The following EBF2 variants were observed in gnomAD, a reference collection of about 807,000 sequenced individuals.
EBF2 encodes EBF transcription factor 2, also known as transcription factor COE2.
Under a neutral mutation model 72.8 loss-of-function variants are expected in EBF2, and 21 were observed. That is an observed-to-expected ratio of 0.29 (90% CI 0.20 to 0.42). The LOEUF (loss-of-function observed/expected upper bound fraction) is 0.42. Ranked by LOEUF, EBF2 falls within the 10% of genes least tolerant of loss-of-function variation. EBF2 has a pLI of 1.00. For synonymous variants in EBF2, 299 were observed against 274.2 expected, an observed-to-expected ratio of 1.09 and a Z score of -0.89; for missense variants, 637 against 731.2, an observed-to-expected ratio of 0.87 and a Z score of 1.49.
chr8:25,884,595 G>A (rs2117287266), intron 10 of EBF2, among the ~76,000 whole-genome samples: 1 of 152,252 alleles, frequency 6.6e-6, no homozygotes, highest in East Asian at 1.9e-4. Flanking sequence ...CAAGCTTTAT[G>A]AAGTTGGGGG....
Position 25,845,555 on chromosome 8 carries a change from G to A in EBF2, c.1697-915C>T, listed in dbSNP as rs181169760. 8.1e-4 allele frequency among the ~76,000 whole-genome samples: 123 copies of A among 152,268 alleles called. 2 individuals are homozygous for A. The highest frequency in any genetic ancestry group is 2.9e-3 in the African/African-American group (120 of 41,548). On this transcript the variant is annotated intron_variant, in intron 15 of 15. Transcript: ENST00000520164. ...ATTCCTACTCTTCATCACCCTATAT[G>A]AATGGAGTAATCTAATTCTTTCTCC...
chr8:26,004,326 T>C (rs965591345), intron 6 of EBF2, among the ~76,000 whole-genome samples: 3 of 152,166 alleles, frequency 2.0e-5, no homozygotes, highest in African/African-American at 7.2e-5. Context: ...ATGATTTACA[T>C]TGATGCCCAA....
intron 6 of EBF2, among the ~76,000 whole-genome samples, chr8:26,005,046 G>A (rs1486709004): frequency 1.3e-5 from 2 of 149,648 alleles, no homozygotes; most frequent in East Asian, 4.0e-4. Flanking sequence ...GAGGTACAAA[G>A]GGAAGAACCA....
chr8:26,000,531 G>A (rs1213324190), intron 6 of EBF2, among the ~76,000 whole-genome samples: 4 of 152,144 alleles, frequency 2.6e-5, no homozygotes, highest in Non-Finnish European at 5.9e-5. Context: ...CTATTCATTT[G>A]TTCCTTTAAT....
At chr8:25,956,544 T>C (rs1018389221) in intron 6 of EBF2, among the ~76,000 whole-genome samples, 1 of 152,222 alleles carries the variant, frequency 6.6e-6, no homozygotes, top group Admixed American at 6.5e-5. Flanking sequence ...CCTTGTATCA[T>C]TGTATGCATT....
intron 10 of EBF2, among the ~76,000 whole-genome samples, chr8:25,869,052 ACT>A (rs994833602): frequency 6.6e-6 from 1 of 152,038 alleles, no homozygotes; most frequent in Non-Finnish European, 1.5e-5. Context: ...TTTTTTAGAC[ACT>A]CTATATTTAA....
chr8:26,033,281 G>T, intron 5 of EBF2, 128 bp from the exon 6 acceptor site: 1 of 824,294 alleles, frequency 1.2e-6, no homozygotes, highest in Non-Finnish European at 2.0e-6. Context: ...TAGTACAATG[G>T]CTTGATGCCT....
intron 6 of EBF2, among the ~76,000 whole-genome samples, chr8:25,960,140 C>T (rs1296638128): frequency 6.6e-6 from 1 of 152,182 alleles, no homozygotes; most frequent in Non-Finnish European, 1.5e-5. Flanking sequence ...CTCTTTGTTA[C>T]TCCAGTTTTA....
At chr8:25,898,254 C>T (rs946688964) in intron 7 of EBF2, among the ~76,000 whole-genome samples, 25 of 152,044 alleles carry the variant, frequency 1.6e-4, no homozygotes, top group African/African-American at 5.8e-4. Flanking sequence ...AAGAACAGAC[C>T]TTGAAGAACT....
Position 26,044,624 on chromosome 8 carries a change from G to T in EBF2, c.131+105C>A, listed in dbSNP as rs901096095. ...GCGCAGGGCCTGGGCGACAGATGGG[G>T]GGACAGGGAGAGAGAAAGGCACGGG... On this transcript the variant is annotated intron_variant, in intron 1 of 15. Coordinates refer to ENST00000520164, the MANE Select transcript of EBF2 (RefSeq NM_022659.4). This position sits in a 1 kb window ranked among gnomAD's most constrained non-coding sequence, Gnocchi z 4.1. 23 of 1,489,458 alleles carry T rather than the reference G, an allele frequency of 1.5e-5. No individual in the cohort carries two copies. Among genetic ancestry groups the T allele is most frequent in the Non-Finnish European group, 1.9e-5 (21 of 1,102,468 alleles). The allele number at this position is 1,489,458 out of a possible 1,614,324, so 92.3% of individuals were successfully genotyped here. A position where few individuals can be genotyped will look rare whatever the true frequency, so the allele number is the denominator to read the frequency against.
At chr8:25,920,163 T>G (rs1410544585) in intron 6 of EBF2, among the ~76,000 whole-genome samples, 1 of 152,212 alleles carries the variant, frequency 6.6e-6, no homozygotes, top group African/African-American at 2.4e-5. Flanking sequence ...CAAAGGGTCA[T>G]GGAAATCTTT....
chr8:25,858,532 A>T, intron 13 of EBF2, 28 bp from the exon 14 acceptor site: 1 of 1,604,300 alleles, frequency 6.2e-7, no homozygotes, highest in Admixed American at 1.7e-5. Flanking sequence ...AGCCCAGGTA[A>T]ATCAACAGGC....
At chr8:25,919,565 G>A (rs1803275103) in intron 6 of EBF2, among the ~76,000 whole-genome samples, 1 of 152,116 alleles carries the variant, frequency 6.6e-6, no homozygotes, top group African/African-American at 2.4e-5. Flanking sequence ...CTGAAGAATG[G>A]AAACCATTTT....
rs925756046 is a variant in EBF2, at chr8:25,869,423, C to T, written c.1010-6626G>A. On this transcript the variant is annotated intron_variant, in intron 10 of 15. Transcript: ENST00000520164. Reference sequence around the variant, plus strand: ...GGGAATGAGGAGGCCAGCTGGAATTCGCATGTCCACCAGTACGACCCTGTG... The same window carrying T: ...GGGAATGAGGAGGCCAGCTGGAATTTGCATGTCCACCAGTACGACCCTGTG... 8.5e-5 allele frequency among the ~76,000 whole-genome samples: 13 copies of T among 152,248 alleles called. No individual in the cohort carries two copies. The East Asian group carries it at 9.7e-4, about 11-fold the overall frequency.
At chr8:25,891,965 T>G (rs79757363) in intron 7 of EBF2, among the ~76,000 whole-genome samples, 5,586 of 152,232 alleles carry the variant, frequency 0.037, 142 homozygotes, top group Admixed American at 0.061. Context: ...AGAAACAGGA[T>G]AGCATAATGA....
intron 7 of EBF2, among the ~76,000 whole-genome samples, chr8:25,895,594 C>T (rs914242652): frequency 2.6e-5 from 4 of 152,154 alleles, no homozygotes; most frequent in Non-Finnish European, 4.4e-5. Context: ...TCAAGAAAAC[C>T]GATCGGCTTT....
At chr8:25,953,162 C>T (rs2117170929) in intron 6 of EBF2, among the ~76,000 whole-genome samples, 1 of 152,332 alleles carries the variant, frequency 6.6e-6, no homozygotes, top group African/African-American at 2.4e-5. Context: ...GCTCTGCATA[C>T]ACCACTGTGG....
chr8:26,018,620 G>A (rs1313833017), intron 6 of EBF2, among the ~76,000 whole-genome samples: 6 of 151,690 alleles, frequency 4.0e-5, no homozygotes, highest in Admixed American at 1.3e-4. Flanking sequence ...GCAGTGAGCC[G>A]AGATTGTGCC....
chr8:25,970,708 T>C (rs1194974982), intron 6 of EBF2, among the ~76,000 whole-genome samples: 2 of 152,180 alleles, frequency 1.3e-5, no homozygotes, highest in Non-Finnish European at 2.9e-5. Flanking sequence ...CTTGCATTAT[T>C]GCTTGTCCAT....
Sources: gnomAD v4.1 joint callset for allele counts (sites outside exome capture counted in the v4.1 genomes callset) on GRCh38, gnomAD v4.1.1 for gene constraint, Gnocchi (gnomAD v3.1) non-coding constraint, MANE v1.5 for transcripts, NCBI Gene and HGNC (gene_info 2026-07-23, HGNC 2026-07-21) for gene names.